PTPRQ: variants seen among roughly 807,000 people sequenced by gnomAD.
PTPRQ encodes protein tyrosine phosphatase receptor type Q, also known as phosphatidylinositol phosphatase PTPRQ.
A neutral mutation model predicts 246.0 loss-of-function variants in PTPRQ; 199 were observed. The observed-to-expected ratio is 0.81, with a 90% CI of 0.72 to 0.91. The LOEUF (loss-of-function observed/expected upper bound fraction) is 0.91, where lower values mean the gene tolerates loss of function less well. Ranked by LOEUF, PTPRQ falls within the 40% of genes least tolerant of loss-of-function variation. PTPRQ has a pLI of 0.00. For synonymous variants in PTPRQ, 869 were observed against 853.2 expected, an observed-to-expected ratio of 1.02 and a Z score of -0.32; for missense variants, 2,624 against 2,528.4, an observed-to-expected ratio of 1.04 and a Z score of -0.81.
chr12:80,580,963 TAG>T, intron 25 of PTPRQ, among the ~76,000 whole-genome samples: 1 of 152,340 alleles, frequency 6.6e-6, no homozygotes, highest in African/African-American at 2.4e-5. Context: ...TGGAGAATAC[TAG>T]AGTCTGTGAA....
chr12:80,619,096 T>A (rs1472759822), intron 30 of PTPRQ, among the ~76,000 whole-genome samples: 1 of 151,480 alleles, frequency 6.6e-6, no homozygotes, highest in Non-Finnish European at 1.5e-5. Context: ...AAAATATATA[T>A]GAGTGAGAGC....
intron 26 of PTPRQ, among the ~76,000 whole-genome samples, chr12:80,592,142 G>A (rs571156299): frequency 9.2e-5 from 14 of 152,200 alleles, no homozygotes; most frequent in Middle Eastern, 3.4e-3. Context: ...AGGGGAAATG[G>A]TCTTTCTACC....
At chr12:80,584,670 A>T (rs1897552452) in intron 25 of PTPRQ, among the ~76,000 whole-genome samples, 4 of 152,054 alleles carry the variant, frequency 2.6e-5, no homozygotes, top group Admixed American at 2.0e-4. Flanking sequence ...CTCTTCCATG[A>T]TCTCCACTTT....
intron 25 of PTPRQ, among the ~76,000 whole-genome samples, chr12:80,576,344 G>T (rs905597474): frequency 1.3e-5 from 2 of 151,992 alleles, no homozygotes; most frequent in Admixed American, 6.6e-5. Flanking sequence ...GTTTCACCAT[G>T]TTGGCTAGGC....
At chr12:80,473,172 A>AT (rs1000380515) in intron 8 of PTPRQ, among the ~76,000 whole-genome samples, 1 of 152,098 alleles carries the variant, frequency 6.6e-6, no homozygotes, top group African/African-American at 2.4e-5. Context: ...AACCATTGAT[A>AT]TTTTTTTGAA....
intron 39 of PTPRQ, among the ~76,000 whole-genome samples, chr12:80,662,798 T>A (rs1355825427): frequency 6.6e-6 from 1 of 151,988 alleles, no homozygotes; most frequent in Non-Finnish European, 1.5e-5. Flanking sequence ...TTGTTCCATG[T>A]ATCACAGAGC....
chr12:80,548,916 A>C (rs1896386628), intron 24 of PTPRQ, among the ~76,000 whole-genome samples: 1 of 152,094 alleles, frequency 6.6e-6, no homozygotes. Context: ...GAGACTCCTT[A>C]AATCTTCCTT....
chr12:80,473,045 A>ACACACACGCGCGCG (rs1555185233), intron 8 of PTPRQ, among the ~76,000 whole-genome samples: 3 of 92,338 alleles, frequency 3.2e-5, no homozygotes, highest in African/African-American at 9.2e-5. Context: ...ACTCACACAC[A>ACACACACGCGCGCG]CGCACACACA....
intron 34 of PTPRQ, among the ~76,000 whole-genome samples, chr12:80,632,577 G>T (rs1899481435): frequency 6.6e-6 from 1 of 152,250 alleles, no homozygotes; most frequent in South Asian, 2.1e-4. Flanking sequence ...ACTAAAGAGA[G>T]TAAAAGAGAA....
chr12:80,514,877 A>C (rs928436774), intron 17 of PTPRQ, among the ~76,000 whole-genome samples: 2 of 147,670 alleles, frequency 1.4e-5, no homozygotes, highest in African/African-American at 4.9e-5. Context: ...AGATTACATA[A>C]AGATAGAACA....
At chr12:80,646,435 A>T (rs1233798235) in intron 35 of PTPRQ, among the ~76,000 whole-genome samples, 2 of 152,212 alleles carry the variant, frequency 1.3e-5, no homozygotes, top group African/African-American at 4.8e-5. Context: ...ATGGTTTAAA[A>T]TATCTTTAGG....
chr12:80,546,864 G>C, intron 24 of PTPRQ, 167 bp downstream of exon 24: 1 of 756,364 alleles, frequency 1.3e-6, no homozygotes, highest in East Asian at 2.9e-5. Context: ...ATCATATGCT[G>C]TATGTGTGTT....
At chr12:80,600,516 C>G (rs147207322) in intron 26 of PTPRQ, among the ~76,000 whole-genome samples, 1 of 151,620 alleles carries the variant, frequency 6.6e-6, no homozygotes, top group Non-Finnish European at 1.5e-5. Flanking sequence ...TACAAGCTAC[C>G]GCAGAAAAAT....
At chr12:80,490,481 G>T (rs966026119) in intron 9 of PTPRQ, among the ~76,000 whole-genome samples, 1 of 151,922 alleles carries the variant, frequency 6.6e-6, no homozygotes, top group Non-Finnish European at 1.5e-5. Flanking sequence ...AAGAATTCCT[G>T]GGCAGCATAG....
intron 27 of PTPRQ, among the ~76,000 whole-genome samples, chr12:80,608,850 A>G (rs922836904): frequency 6.6e-6 from 1 of 150,588 alleles, no homozygotes; most frequent in African/African-American, 2.4e-5. Flanking sequence ...ATAGTTACCC[A>G]TCTCTGCACC....
rs369322737 is a variant in PTPRQ at position 80,444,313 on chromosome 12, A to G, written c.-33A>G. 22 of 1,136,618 alleles carry G rather than the reference A, an allele frequency of 1.9e-5. No homozygotes were observed. Among genetic ancestry groups the G allele is most frequent in the Admixed American group, 8.1e-5 (4 of 49,486 alleles). 70.4% of individuals were successfully genotyped at this position (1,136,618 alleles called of 1,614,324 possible). A position where few individuals can be genotyped will look rare whatever the true frequency, so the allele number is the denominator to read the frequency against. ...GCAACATTTCTCTCTAGAGCCATCA[A>G]TGTGATTCTACTGGCTGAAAAATGT... is the stretch of plus-strand genomic sequence containing the variant. On this transcript the variant is annotated 5_prime_UTR_variant, in exon 1 of 45. An upstream start codon of the reference 5' UTR is lost. Transcript: ENST00000644991.
intron 33 of PTPRQ, among the ~76,000 whole-genome samples, chr12:80,628,873 T>C (rs1260772642): frequency 6.7e-6 from 1 of 149,812 alleles, no homozygotes; most frequent in Non-Finnish European, 1.5e-5. Flanking sequence ...GGGAGTTGTG[T>C]CTTTCAATTT....
At chr12:80,539,317 G>A (rs778445308) in intron 19 of PTPRQ, among the ~76,000 whole-genome samples, 2 of 152,060 alleles carry the variant, frequency 1.3e-5, no homozygotes, top group African/African-American at 4.8e-5. Context: ...TAATAATAGC[G>A]ATTTGAGTTC....
At chr12:80,675,991 C>A (rs1022432967) in intron 43 of PTPRQ, among the ~76,000 whole-genome samples, 1 of 152,146 alleles carries the variant, frequency 6.6e-6, no homozygotes, top group African/African-American at 2.4e-5. Context: ...TGGTGCCCAG[C>A]AGGCAGTAAA....
Sources: gnomAD v4.1 joint callset for allele counts (sites outside exome capture counted in the v4.1 genomes callset) on GRCh38, gnomAD v4.1.1 for gene constraint, MANE v1.5 for transcripts, NCBI Gene and HGNC (gene_info 2026-07-23, HGNC 2026-07-21) for gene names.